Variants in LINGO2 observed in about 807,000 individuals in gnomAD.
LINGO2 encodes the protein leucine rich repeat and Ig domain containing 2, also known as leucine-rich repeat and immunoglobulin-like domain-containing nogo receptor-interacting protein 2.
In LINGO2, 14 loss-of-function variants were observed where a neutral mutation model predicts 30.6. The ratio of observed to expected loss-of-function variants is 0.46; its 90% CI spans 0.30 to 0.72. The LOEUF (loss-of-function observed/expected upper bound fraction) is 0.72. Ranked by LOEUF, LINGO2 falls within the 30% of genes least tolerant of loss-of-function variation. LINGO2 has a pLI of 0.07. For synonymous variants in LINGO2, 317 were observed against 288.5 expected (o/e 1.10, Z -1.00); for missense variants, 729 against 751.7 (o/e 0.97, Z 0.35).
At chr9:28,550,213 C>T (rs72713585) in intron 1 of LINGO2, among the ~76,000 whole-genome samples, 2,253 of 151,920 alleles carry the variant, frequency 0.015, 24 homozygotes, top group Middle Eastern at 0.027. Flanking sequence ...TCACTACTTT[C>T]TTCTTCTGTA....
intron 4 of LINGO2, among the ~76,000 whole-genome samples, chr9:28,168,216 G>C (rs1195120673): frequency 6.6e-6 from 1 of 152,150 alleles, no homozygotes; most frequent in Non-Finnish European, 1.5e-5. Context: ...TCTACTCCCG[G>C]ATATTTTAGG....
chr9:28,449,176 G>A (rs1388809682), intron 2 of LINGO2, among the ~76,000 whole-genome samples: 1 of 151,838 alleles, frequency 6.6e-6, no homozygotes. Context: ...TCACGCCACA[G>A]CCTGTCTATG....
chr9:28,704,586 AT>A, the LINGO2 span, among the ~76,000 whole-genome samples: 182 of 149,286 alleles, frequency 1.2e-3, no homozygotes, highest in Non-Finnish European at 2.2e-3. Flanking sequence ...GGTATTCTGT[AT>A]TTTTTTTTCA....
At chr9:28,895,240 A>G in the LINGO2 span, among the ~76,000 whole-genome samples, 2 of 152,196 alleles carry the variant, frequency 1.3e-5, no homozygotes, top group East Asian at 3.8e-4. Flanking sequence ...ATTATTGCAC[A>G]CTATAAAAGT....
At chr9:28,024,441 C>G (rs553239806) in intron 4 of LINGO2, among the ~76,000 whole-genome samples, 4 of 152,268 alleles carry the variant, frequency 2.6e-5, no homozygotes, top group Non-Finnish European at 5.9e-5. Flanking sequence ...AGTGGCTCTT[C>G]TTAGCTCAGT....
intron 3 of LINGO2, among the ~76,000 whole-genome samples, chr9:28,362,690 G>A (rs1390266014): frequency 2.6e-5 from 4 of 151,928 alleles, no homozygotes; most frequent in Non-Finnish European, 5.9e-5. Context: ...GGCTGGTCTC[G>A]AACTCCCAAC....
the LINGO2 span, among the ~76,000 whole-genome samples, chr9:28,913,831 T>G: frequency 1.3e-5 from 2 of 152,198 alleles, no homozygotes; most frequent in African/African-American, 4.8e-5. Flanking sequence ...AAAGTTTTCA[T>G]GACCAAGTAA....
At chr9:27,961,270 G>A (rs947849948) in intron 5 of LINGO2, among the ~76,000 whole-genome samples, 6 of 152,292 alleles carry the variant, frequency 3.9e-5, no homozygotes, top group Non-Finnish European at 5.9e-5. Context: ...TCATTGGGAT[G>A]TGACCCCATC....
At chr9:28,096,025 C>T (rs2133288437) in intron 4 of LINGO2, among the ~76,000 whole-genome samples, 1 of 152,224 alleles carries the variant, frequency 6.6e-6, no homozygotes, top group Admixed American at 6.6e-5. Context: ...CCTATAGTCC[C>T]AGCTACCCAG....
the LINGO2 span, among the ~76,000 whole-genome samples, chr9:28,995,088 C>T: frequency 6.6e-6 from 1 of 151,790 alleles, no homozygotes; most frequent in Non-Finnish European, 1.5e-5. Flanking sequence ...AGGCAACCTA[C>T]AAAATGGGAG....
At chr9:28,967,520 A>G in the LINGO2 span, among the ~76,000 whole-genome samples, 2 of 152,090 alleles carry the variant, frequency 1.3e-5, no homozygotes, top group Non-Finnish European at 2.9e-5. Flanking sequence ...CATTTCAGTC[A>G]CCTTTTCTTT....
intron 1 of LINGO2, among the ~76,000 whole-genome samples, chr9:28,631,572 A>T (rs1459855853): frequency 6.6e-6 from 1 of 152,006 alleles, no homozygotes; most frequent in Non-Finnish European, 1.5e-5. Context: ...TATTAGAGAA[A>T]CCTATTTTCT....
chr9:28,467,610 CT>C (rs1252990488), intron 2 of LINGO2, among the ~76,000 whole-genome samples: 7 of 152,008 alleles, frequency 4.6e-5, no homozygotes, highest in Non-Finnish European at 1.0e-4. Context: ...CTGATTAAAA[CT>C]AGAAAACTAC....
chr9:28,790,625 C>T, the LINGO2 span, among the ~76,000 whole-genome samples: 30 of 151,956 alleles, frequency 2.0e-4, no homozygotes, highest in Non-Finnish European at 4.4e-4. Flanking sequence ...TGAGCCACCA[C>T]GCCTGGCCTA....
At chr9:28,110,577 A>G (rs1357443463) in intron 4 of LINGO2, among the ~76,000 whole-genome samples, 1 of 152,088 alleles carries the variant, frequency 6.6e-6, no homozygotes, top group African/African-American at 2.4e-5. Context: ...AAGTGGGCTA[A>G]GTATATGCAT....
chr9:29,188,608 C>G, the LINGO2 span, among the ~76,000 whole-genome samples: 12 of 152,154 alleles, frequency 7.9e-5, no homozygotes, highest in East Asian at 1.9e-4. Context: ...CAGACCGGGT[C>G]GTGGCCGGGC....
At chr9:28,559,899 AC>A (rs1231011163) in intron 1 of LINGO2, among the ~76,000 whole-genome samples, 1 of 151,962 alleles carries the variant, frequency 6.6e-6, no homozygotes, top group Non-Finnish European at 1.5e-5. Flanking sequence ...CCAGGGACTT[AC>A]TTTCACCAGC....
chr9:27,985,621 A>G (rs1305329581), intron 5 of LINGO2, among the ~76,000 whole-genome samples: 1 of 143,356 alleles, frequency 7.0e-6, no homozygotes, highest in South Asian at 2.1e-4. Context: ...TAAGGCATAC[A>G]GTAGGTGGTA....
intron 4 of LINGO2, among the ~76,000 whole-genome samples, chr9:28,195,436 T>C (rs987184564): frequency 6.5e-5 from 9 of 138,892 alleles, no homozygotes; most frequent in African/African-American, 2.1e-4. Context: ...AGATAAGGAA[T>C]GATAATAAAA....
Sources: gnomAD v4.1 joint callset for allele counts (sites outside exome capture counted in the v4.1 genomes callset) on GRCh38, gnomAD v4.1.1 for gene constraint, MANE v1.5 for transcripts, NCBI Gene and HGNC (gene_info 2026-07-23, HGNC 2026-07-21) for gene names.